Variants in CPAMD8 observed in about 807,000 individuals in gnomAD.
The protein encoded by CPAMD8 is C3 and PZP-like alpha-2-macroglobulin domain-containing protein 8.
In CPAMD8, 146 loss-of-function variants were observed where a neutral mutation model predicts 224.7. That is an observed-to-expected ratio of 0.65 (90% CI 0.57 to 0.75). CPAMD8 has a LOEUF of 0.75. Among genes scored for constraint, CPAMD8 ranks in the 30% least tolerant of loss-of-function variants. The probability of loss-of-function intolerance (pLI) is 0.00; values close to 1 mark genes in which losing one functional copy is unlikely to be tolerated. For missense variants in CPAMD8, 2,301 were observed against 2,537.5 expected, an observed-to-expected ratio of 0.91 and a Z score of 2.00; for synonymous variants, 966 against 1,044.6, an observed-to-expected ratio of 0.92 and a Z score of 1.45.
chr19:16,953,375 T>C (rs530188928), intron 19 of CPAMD8, among the ~76,000 whole-genome samples: 4 of 151,022 alleles, frequency 2.6e-5, no homozygotes, highest in South Asian at 2.1e-4. Context: ...AGTTGGACTT[T>C]ATGAAAACTG....
In CPAMD8 at chr19:17,008,558, T is replaced by C. The variant is rs748480857; in HGVS notation, c.506A>G (p.Asp169Gly). 5 of 1,613,456 alleles carry C rather than the reference T, an allele frequency of 3.1e-6. No homozygotes were observed. In the Admixed American group the frequency reaches 8.3e-5, roughly 27 times the overall value. The change falls in exon 7 of 42, where the codon GAC becomes GGC. Residue 169 changes from aspartate to glycine, a missense_variant and splice_region_variant. This residue lies in a region of CPAMD8 where 283 missense variants were observed against 340.6 expected (regional missense o/e 0.83). Transcript: ENST00000443236. ...CTCTATCATCCGAGAGCCTCGGGGG[T>C]CCTGTTGGTGGTGGAGGGGGACAGA... ...VNEKLEAYIL[D>G]PRGSRMIEWR... is the part of the protein sequence containing the mutation.
At chr19:16,952,231 G>T (rs981737032) in intron 19 of CPAMD8, 31 bp from the exon 20 acceptor site, 4 of 1,304,636 alleles carry the variant, frequency 3.1e-6, no homozygotes, top group African/African-American at 1.5e-5. Flanking sequence ...ATGATGGGGG[G>T]CCCTTCTCCA....
At position 16,993,498 on chromosome 19, in the gene CPAMD8, G is replaced by T. The variant is rs199767415; in HGVS notation, c.1184C>A (p.Thr395Asn). 9.9e-6 allele frequency: 16 copies of T among 1,613,898 alleles called. No individual in the cohort carries two copies. The highest frequency in any genetic ancestry group is 1.2e-5 in the Non-Finnish European group (14 of 1,179,912). ...AELTPKDNIYTSEVVSQRGLV... is the reference protein window; with the variant it reads ...AELTPKDNIYNSEVVSQRGLV... ...TCCACGCTGGGACACAACTTCACTGGTGTAGATGTTATCCTTTGGTGTCAG... is the reference window on the plus strand; with the variant it reads ...TCCACGCTGGGACACAACTTCACTGTTGTAGATGTTATCCTTTGGTGTCAG... The change falls in exon 12 of 42, where the codon ACC (threonine) becomes AAC (asparagine). Residue 395 changes from threonine to asparagine, a missense_variant. This residue lies in a region of CPAMD8 where 301 missense variants were observed against 406.6 expected (regional missense o/e 0.74). Transcript: ENST00000443236.
At chr19:16,937,257 C>T (rs181614291) in intron 23 of CPAMD8, among the ~76,000 whole-genome samples, 21 of 152,208 alleles carry the variant, frequency 1.4e-4, no homozygotes, top group Admixed American at 1.4e-3. Context: ...ACCTCCACCT[C>T]CCAAGTAGCT....
intron 22 of CPAMD8, among the ~76,000 whole-genome samples, chr19:16,940,788 C>T (rs954358310): frequency 1.3e-5 from 2 of 152,180 alleles, no homozygotes; most frequent in Non-Finnish European, 2.9e-5. Context: ...ACCCACGGGT[C>T]ATTTGCTAAG....
In CPAMD8 at chr19:17,002,302, T is replaced by A. The variant is rs781141140; in HGVS notation, c.722A>T (p.Asp241Val). The A allele has an allele frequency of 1.3e-5, 21 of 1,605,660 alleles. No homozygotes were observed. The highest frequency in any genetic ancestry group is 1.8e-5 in the Non-Finnish European group (21 of 1,175,262). Residue 241 changes from aspartate to valine, a missense_variant, in exon 9 of 42, where the codon GAC (aspartate) becomes GTC (valine). Around this residue, in one of 4 missense-constraint regions of CPAMD8, gnomAD observed 283 missense variants for 340.6 expected, o/e 0.83. Transcript: ENST00000443236. ...AGTGCCTGTCTCACAGGCGTCCAGG[T>A]CTTGGATATACCGGGGCGGGTCAAT... is the stretch of plus-strand genomic sequence containing the variant. ...LLIDPPRYIQDLDACETGTVR... is the reference protein window; with the variant it reads ...LLIDPPRYIQVLDACETGTVR...
chr19:17,005,379 G>A (rs1036385341), intron 7 of CPAMD8, among the ~76,000 whole-genome samples: 3 of 151,578 alleles, frequency 2.0e-5, no homozygotes, highest in East Asian at 1.9e-4. Context: ...TCGCCTGTCC[G>A]ACCCCCCACC....
At chr19:16,990,661 G>A (rs533046759) in intron 12 of CPAMD8, among the ~76,000 whole-genome samples, 3 of 151,868 alleles carry the variant, frequency 2.0e-5, no homozygotes, top group East Asian at 1.9e-4. Flanking sequence ...TCAGGAGATC[G>A]AGACCATCCT....
At chr19:16,970,785 A>G in intron 18 of CPAMD8, 106 bp downstream of exon 18, 1 of 1,062,610 alleles carries the variant, frequency 9.4e-7, no homozygotes, top group South Asian at 1.4e-5. Flanking sequence ...TTTATAAGCC[A>G]CTCGGTCTAT....
intron 29 of CPAMD8, among the ~76,000 whole-genome samples, chr19:16,912,689 C>T (rs918838166): frequency 1.3e-5 from 2 of 152,060 alleles, no homozygotes; most frequent in African/African-American, 4.8e-5. Flanking sequence ...CAAGGGGACT[C>T]ACAGCCCTCA....
chr19:16,981,292 T>G (rs1427402182), intron 13 of CPAMD8, among the ~76,000 whole-genome samples: 1 of 152,014 alleles, frequency 6.6e-6, no homozygotes, highest in African/African-American at 2.4e-5. Context: ...GCCTAGGAAG[T>G]CAAGGCTGCA....
chr19:17,018,079 T>C (rs1355544359), intron 3 of CPAMD8, among the ~76,000 whole-genome samples: 2 of 147,696 alleles, frequency 1.4e-5, no homozygotes, highest in South Asian at 2.2e-4. Flanking sequence ...CTGCAGCAAA[T>C]AGGCACTAGT....
chr19:17,002,189 G>C (rs969121095), intron 9 of CPAMD8, 77 bp downstream of exon 9: 1 of 970,498 alleles, frequency 1.0e-6, no homozygotes, highest in Non-Finnish European at 1.6e-6. Flanking sequence ...GGAGGGGAAC[G>C]ACCTTGAGGG....
At chr19:16,961,236 G>A (rs1568532150) in intron 18 of CPAMD8, among the ~76,000 whole-genome samples, 1 of 152,220 alleles carries the variant, frequency 6.6e-6, no homozygotes, top group Non-Finnish European at 1.5e-5. Flanking sequence ...AAGCACAAGG[G>A]GTCAGGGGAT....
At chr19:16,930,356 T>C (rs532842190) in intron 23 of CPAMD8, among the ~76,000 whole-genome samples, 1 of 151,810 alleles carries the variant, frequency 6.6e-6, no homozygotes, top group South Asian at 2.1e-4. Flanking sequence ...GTGATATGAG[T>C]ATCAGGAAAC....
intron 19 of CPAMD8, among the ~76,000 whole-genome samples, chr19:16,955,421 T>C (rs1160148554): frequency 6.6e-6 from 1 of 151,970 alleles, no homozygotes; most frequent in African/African-American, 2.4e-5. Context: ...TTACAGGCGG[T>C]CCCTAGAATA....
intron 22 of CPAMD8, among the ~76,000 whole-genome samples, chr19:16,940,636 A>G (rs1048977405): frequency 6.6e-6 from 1 of 152,184 alleles, no homozygotes; most frequent in Non-Finnish European, 1.5e-5. Flanking sequence ...TGATGAGTCC[A>G]GGAGATGCTT....
In CPAMD8 at chr19:16,893,230, T is replaced by C. The variant is rs768501965; in HGVS notation, c.5536A>G (p.Ser1846Gly). ...CTGTGGGCCCCCACCACCCGGCCAC[T>C]ATGTCTCTGAGGGGCCGGAGTCTGG... ...WGQTPAPQRH[S>G]GRVVGAHRPG... The change falls in exon 42 of 42, where the codon AGT becomes GGT. Residue 1846 changes from serine (S) to glycine (G), a missense_variant. Around this residue, in one of 4 missense-constraint regions of CPAMD8, gnomAD observed 1,709 missense variants for 1,753.2 expected, o/e 0.97. Coordinates refer to ENST00000443236, the MANE Select transcript of CPAMD8 (RefSeq NM_015692.5). The C allele has an allele frequency of 5.0e-6, 8 of 1,586,314 alleles. No individual in the cohort carries two copies. In the African/African-American group the frequency reaches 8.1e-5, roughly 16 times the overall value.
intron 20 of CPAMD8, among the ~76,000 whole-genome samples, chr19:16,948,888 G>GAGGGA (rs1479885606): frequency 3.1e-5 from 2 of 64,298 alleles, no homozygotes; most frequent in Non-Finnish European, 5.5e-5. Context: ...GAAGGGAAGG[G>GAGGGA]AAGGGAAGGG....
Sources: gnomAD v4.1 joint callset for allele counts (sites outside exome capture counted in the v4.1 genomes callset) on GRCh38, gnomAD v4.1.1 for gene constraint, gnomAD v4.1.1 regional missense constraint, MANE v1.5 for transcripts, NCBI Gene and HGNC (gene_info 2026-07-23, HGNC 2026-07-21) for gene names.